The following SYNJ2 variants were observed in gnomAD, a reference collection of about 807,000 sequenced individuals.
SYNJ2 encodes the protein synaptojanin 2, also known as polyphosphatidylinositol phosphatase SYNJ2.
A neutral mutation model predicts 141.3 loss-of-function variants in SYNJ2; 116 were observed. The ratio of observed to expected loss-of-function variants is 0.82; its 90% CI spans 0.71 to 0.96. The LOEUF (loss-of-function observed/expected upper bound fraction) is 0.96, where lower values mean the gene tolerates loss of function less well. Ranked by LOEUF, SYNJ2 falls within the 40% of genes least tolerant of loss-of-function variation. SYNJ2 has a pLI of 0.00. For missense variants in SYNJ2, 1,873 were observed against 1,934.8 expected (o/e 0.97, Z 0.60); for synonymous variants, 745 against 777.7 (o/e 0.96, Z 0.70).
rs567683295 is a variant in SYNJ2 at position 158,071,089 on chromosome 6, A to G, written c.1941-513A>G. Among the ~76,000 whole-genome samples, 2 of 152,344 alleles carry G rather than the reference A, an allele frequency of 1.3e-5. No homozygotes were observed. Among genetic ancestry groups the G allele is most frequent in the Non-Finnish European group, 2.9e-5 (2 of 68,026 alleles). ...TCCCAGCTACTCAGGAGGCTGAGGC[A>G]GGAGAATTGCTTGAACCTGGGAGGC... On this transcript the variant is annotated intron_variant, in intron 14 of 26. Transcript: ENST00000355585. This position sits in a 1 kb window ranked among gnomAD's most constrained non-coding sequence, Gnocchi z 4.3.
At chr6:157,993,578 C>T (rs906694771) in intron 1 of SYNJ2, among the ~76,000 whole-genome samples, 1 of 151,818 alleles carries the variant, frequency 6.6e-6, no homozygotes, top group African/African-American at 2.4e-5. Flanking sequence ...GTTGCCTGTG[C>T]TTGTGGGGTA....
At chr6:158,081,350 T>C in intron 19 of SYNJ2, 23 bp downstream of exon 19, 1 of 1,612,776 alleles carries the variant, frequency 6.2e-7, no homozygotes, top group Non-Finnish European at 8.5e-7. Context: ...CTGGCTGATG[T>C]GGGTTCCAGG....
At chr6:158,066,803 A>C in intron 12 of SYNJ2, 168 bp downstream of exon 12, 1 of 742,422 alleles carries the variant, frequency 1.3e-6, no homozygotes, top group South Asian at 1.8e-5. Flanking sequence ...CTGCCTCGCA[A>C]GTAACTGACC....
chr6:158,045,166 G>A (rs1780171103), intron 5 of SYNJ2, among the ~76,000 whole-genome samples: 2 of 144,128 alleles, frequency 1.4e-5, no homozygotes, highest in African/African-American at 5.2e-5. Context: ...GGAGTGCAGT[G>A]GTGCAATCTC....
chr6:158,026,776 GCCT>G (rs1779070586), intron 2 of SYNJ2: 4 of 970,642 alleles, frequency 4.1e-6, no homozygotes, highest in Non-Finnish European at 4.9e-6. Flanking sequence ...CCATCCTCCT[GCCT>G]CTCCGAGGGC....
At chr6:158,090,798 G>A (rs2128399768) in intron 25 of SYNJ2, among the ~76,000 whole-genome samples, 1 of 151,646 alleles carries the variant, frequency 6.6e-6, no homozygotes, top group South Asian at 2.1e-4. Flanking sequence ...ATCCACCTTG[G>A]CCTCCTAAAG....
chr6:158,021,383 G>C (rs1043464032), intron 2 of SYNJ2, among the ~76,000 whole-genome samples: 7 of 152,240 alleles, frequency 4.6e-5, no homozygotes, highest in Admixed American at 4.6e-4. Context: ...ATGTTGCCTA[G>C]TTCTCAGGAG....
intron 4 of SYNJ2, among the ~76,000 whole-genome samples, chr6:158,041,320 A>G (rs1779936496): frequency 6.6e-6 from 1 of 152,240 alleles, no homozygotes; most frequent in Non-Finnish European, 1.5e-5. Context: ...TCAAAATGAC[A>G]TCTGTGAGGT....
Position 158,074,677 on chromosome 6 carries a change from G to T in SYNJ2, c.2231G>T (p.Arg744Leu). The change falls in exon 16 of 27, where the codon CGC (arginine) becomes CTC (leucine). Residue 744 changes from arginine (R) to leucine (L), a missense_variant. Coordinates refer to ENST00000355585, the MANE Select transcript of SYNJ2 (RefSeq NM_003898.4). ...TYEEVFYFVK[R>L]QDWKKLLEFD... ...GAAGAAGTCTTCTATTTTGTTAAAC[G>T]CCAAGACTGGAAGAAACTTCTGGAA... is the stretch of plus-strand genomic sequence containing the variant. 6.2e-7 allele frequency: 1 copy of T among 1,613,934 alleles called. No homozygotes were observed. Among genetic ancestry groups the T allele is most frequent in the Non-Finnish European group, 8.5e-7 (1 of 1,179,982 alleles).
At chr6:158,078,321 G>C (rs1384924678) in intron 18 of SYNJ2, 40 bp downstream of exon 18, 1 of 1,377,832 alleles carries the variant, frequency 7.3e-7, no homozygotes, top group Admixed American at 1.7e-5. Flanking sequence ...CCTGTGCTGG[G>C]CAAGGCAGCG....
rs974445912 is a variant in SYNJ2 at position 158,027,795 on chromosome 6, G to C, written c.215-961G>C. ...TCCGTGTCTTGGGAGAGCAAGGAAG[G>C]CTTCCCGGAGGAGTTGCTGCCAAGT... On this transcript the variant is annotated intron_variant, in intron 2 of 26. Transcript: ENST00000355585. This position sits in a 1 kb window ranked among gnomAD's most constrained non-coding sequence, Gnocchi z 4.6. The C allele has an allele frequency of 6.6e-6, 1 of 152,438 alleles. No individual in the cohort carries two copies. Among genetic ancestry groups the C allele is most frequent in the Non-Finnish European group, 1.5e-5 (1 of 68,236 alleles). The allele number at this position is 152,438 out of a possible 1,614,324, so 9.4% of individuals were successfully genotyped here.
At chr6:158,072,737 TA>T (rs5881235) in intron 15 of SYNJ2, among the ~76,000 whole-genome samples, 27,183 of 148,122 alleles carry the variant, frequency 0.18, 2,723 homozygotes, top group East Asian at 0.25. Context: ...TAATGCAGTT[TA>T]AAAAAAAAAA....
At position 158,043,938 on chromosome 6, in the gene SYNJ2, C is replaced by T. The variant is rs1333109653; in HGVS notation, c.795+539C>T. On this transcript the variant is annotated intron_variant, in intron 5 of 26. Coordinates refer to ENST00000355585, the MANE Select transcript of SYNJ2 (RefSeq NM_003898.4). This position sits in a 1 kb window ranked among gnomAD's most constrained non-coding sequence, Gnocchi z 4.0. ...GTGCCAGAGAGATTTGGCATTCTTT[C>T]TCCTGGGAAGAGCACAGGGTGGGGA... 6.6e-6 allele frequency among the ~76,000 whole-genome samples: 1 copy of T among 152,222 alleles called. No individual in the cohort carries two copies. Among genetic ancestry groups the T allele is most frequent in the Non-Finnish European group, 1.5e-5 (1 of 68,044 alleles).
At chr6:158,041,074 C>T (rs1779923408) in intron 4 of SYNJ2, among the ~76,000 whole-genome samples, 1 of 152,160 alleles carries the variant, frequency 6.6e-6, no homozygotes, top group Admixed American at 6.6e-5. Flanking sequence ...TGGGACTATG[C>T]CCCCCTCATT....
At chr6:158,013,765 G>A (rs1778353825) in intron 1 of SYNJ2, among the ~76,000 whole-genome samples, 1 of 152,186 alleles carries the variant, frequency 6.6e-6, no homozygotes, top group South Asian at 2.1e-4. Flanking sequence ...TGGTGTAAAC[G>A]AGTGTGGTTT....
Position 158,066,477 on chromosome 6 carries a change from G to T in SYNJ2, c.1559G>T (p.Arg520Leu). The change falls in exon 12 of 27, where the codon CGT (arginine) becomes CTT (leucine). Residue 520 changes from arginine to leucine, a missense_variant. Transcript: ENST00000355585. ...AGGATCCTGAAAGCTATGACTGAGC[G>T]TCAGTCCGAATTCACAAATTTCAAG... ...TPRILKAMTERQSEFTNFKRI... is the reference protein window; with the variant it reads ...TPRILKAMTELQSEFTNFKRI... 1 of 1,614,106 alleles carries T rather than the reference G, an allele frequency of 6.2e-7. No homozygotes were observed. The highest frequency in any genetic ancestry group is 8.5e-7 in the Non-Finnish European group (1 of 1,180,038).
At chr6:158,057,043 G>T (rs1470269220) in intron 6 of SYNJ2, among the ~76,000 whole-genome samples, 1 of 152,044 alleles carries the variant, frequency 6.6e-6, no homozygotes. Context: ...TCACAGGACA[G>T]TGAACCCCTT....
chr6:158,011,013 G>T (rs1778247005), intron 1 of SYNJ2, among the ~76,000 whole-genome samples: 1 of 150,712 alleles, frequency 6.6e-6, no homozygotes, highest in Admixed American at 6.6e-5. Flanking sequence ...GGAGAGAATG[G>T]CCACATAATG....
intron 5 of SYNJ2, 150 bp from the exon 6 acceptor site, chr6:158,054,817 A>C (rs1780776012): frequency 1.4e-6 from 1 of 703,854 alleles, no homozygotes; most frequent in African/African-American, 1.8e-5. Context: ...CAGAGAGCTC[A>C]GCCTTCCTGA....
Sources: gnomAD v4.1 joint callset for allele counts (sites outside exome capture counted in the v4.1 genomes callset) on GRCh38, gnomAD v4.1.1 for gene constraint, Gnocchi (gnomAD v3.1) non-coding constraint, MANE v1.5 for transcripts, NCBI Gene and HGNC (gene_info 2026-07-23, HGNC 2026-07-21) for gene names.